The following SMKR1 variants were observed in gnomAD, a reference collection of about 807,000 sequenced individuals.
SMKR1 encodes the protein small lysine-rich protein 1.
A neutral mutation model predicts 4.0 loss-of-function variants in SMKR1; 4 were observed. That is an observed-to-expected ratio of 1.00 (90% CI 0.49 to 2.30). The LOEUF is 2.30. Ranked by LOEUF, SMKR1 falls within the 30% of genes most tolerant of loss-of-function variation. SMKR1 has a pLI of 0.02. For synonymous variants in SMKR1, 38 were observed against 32.5 expected, an observed-to-expected ratio of 1.17 and a Z score of -0.58; for missense variants, 56 against 81.8, an observed-to-expected ratio of 0.68 and a Z score of 1.22.
chr7:129,512,159 G>A (rs1230963027), intron 1 of SMKR1, 88 bp from the exon 2 acceptor site: 4 of 1,267,878 alleles, frequency 3.2e-6, no homozygotes, highest in Non-Finnish European at 4.2e-6. Flanking sequence ...ACTCCAGCCT[G>A]GGTGTTGGGA....
chr7:129,512,216 C>T, intron 1 of SMKR1, 31 bp from the exon 2 acceptor site: 2 of 1,486,522 alleles, frequency 1.3e-6, no homozygotes, highest in Non-Finnish European at 1.8e-6. Context: ...ACTAACTTCC[C>T]TCCTCCCATA....
At position 129,502,695 on chromosome 7, in the gene SMKR1, C is replaced by T; in HGVS notation, c.-130C>T. The T allele has an allele frequency of 1.4e-6, 2 of 1,397,556 alleles. No homozygotes were observed. The highest frequency in any genetic ancestry group is 1.2e-5 in the South Asian group (1 of 80,268). The allele number at this position is 1,397,556 out of a possible 1,614,324, so 86.6% of individuals were successfully genotyped here. ...TAGTGAGGCTGGGCCCGTGGCGGTT[C>T]CCTGAGGAGGGCCGAGAAGGGGCCG... On this transcript the variant is annotated 5_prime_UTR_variant, in exon 1 of 2. Transcript: ENST00000462322.
At chr7:129,508,843 T>G (rs1478349043) in intron 1 of SMKR1, among the ~76,000 whole-genome samples, 1 of 152,232 alleles carries the variant, frequency 6.6e-6, no homozygotes, top group Non-Finnish European at 1.5e-5. Context: ...TCTCCCATCC[T>G]TTGTGTTTCC....
chr7:129,512,403 C>A lies in SMKR1; in HGVS notation c.160C>A (p.Pro54Thr). ...CCTGCATCTGCGAGGCTTCCATTGGCCGGGTGCTCCCAAAGGAAAGAAAGG... is the reference window on the plus strand; with the variant it reads ...CCTGCATCTGCGAGGCTTCCATTGGACGGGTGCTCCCAAAGGAAAGAAAGG... The part of the protein sequence containing the change: ...DCLHLRGFHW[P>T]GAPKGKKGRS... The change falls in exon 2 of 2, where the codon CCG becomes ACG. Residue 54 changes from proline to threonine, a missense_variant. Coordinates refer to ENST00000462322, the MANE Select transcript of SMKR1 (RefSeq NM_001195243.2). 1 of 1,535,386 alleles carries A rather than the reference C, an allele frequency of 6.5e-7. No individual in the cohort carries two copies. The highest frequency in any genetic ancestry group is 8.7e-7 in the Non-Finnish European group (1 of 1,146,724).
At position 129,502,547 on chromosome 7, in the gene SMKR1, C is replaced by A; in HGVS notation, c.-278C>A. 1 of 336,862 alleles carries A rather than the reference C, an allele frequency of 3.0e-6. No homozygotes were observed. The allele number at this position is 336,862 out of a possible 1,614,324, so 20.9% of individuals were successfully genotyped here. A position where few individuals can be genotyped will look rare whatever the true frequency, so the allele number is the denominator to read the frequency against. ...CCCCGAGGCGCACGCCGGCCCAGCG[C>A]CCACAGCTGCGGCGGCCTAGGTGCC... On this transcript the variant is annotated 5_prime_UTR_variant, in exon 1 of 2. Coordinates refer to ENST00000462322, the MANE Select transcript of SMKR1 (RefSeq NM_001195243.2).
In SMKR1 at chr7:129,502,685, C is replaced by T. The variant is rs1799422739; in HGVS notation, c.-140C>T. The T allele has an allele frequency of 7.7e-7, 1 of 1,303,744 alleles. No homozygotes were observed. Among genetic ancestry groups the T allele is most frequent in the East Asian group, 2.6e-5 (1 of 38,438 alleles). 80.8% of individuals were successfully genotyped at this position (1,303,744 alleles called of 1,614,324 possible). ...CGGGGAGGCGTAGTGAGGCTGGGCC[C>T]GTGGCGGTTCCCTGAGGAGGGCCGA... On this transcript the variant is annotated 5_prime_UTR_variant, in exon 1 of 2. Transcript: ENST00000462322.
chr7:129,504,452 C>T (rs1459239357), intron 1 of SMKR1, among the ~76,000 whole-genome samples: 1 of 152,230 alleles, frequency 6.6e-6, no homozygotes, highest in African/African-American at 2.4e-5. Flanking sequence ...GGGAGCCCTT[C>T]CTTTGATGGC....
rs1472754754 is a variant in SMKR1 at position 129,512,454 on chromosome 7, A to G, written c.*13A>G. 1 of 1,531,280 alleles carries G rather than the reference A, an allele frequency of 6.5e-7. No individual in the cohort carries two copies. Among genetic ancestry groups the G allele is most frequent in the African/African-American group, 1.4e-5 (1 of 72,860 alleles). 94.9% of individuals were successfully genotyped at this position (1,531,280 alleles called of 1,614,324 possible). ...GAGAAGCAAGTGACAGCATTTCACA[A>G]CACATCTCTGTTACAGACAACAGGA... On this transcript the variant is annotated 3_prime_UTR_variant, in exon 2 of 2. Coordinates refer to ENST00000462322, the MANE Select transcript of SMKR1 (RefSeq NM_001195243.2).
intron 1 of SMKR1, among the ~76,000 whole-genome samples, chr7:129,504,562 T>G (rs916647408): frequency 6.6e-6 from 1 of 152,044 alleles, no homozygotes; most frequent in Non-Finnish European, 1.5e-5. Flanking sequence ...TTTTGTTTTT[T>G]TTTTTTTAGA....
chr7:129,504,607 C>T (rs983371416), intron 1 of SMKR1, among the ~76,000 whole-genome samples: 7 of 151,606 alleles, frequency 4.6e-5, no homozygotes, highest in East Asian at 1.9e-4. Flanking sequence ...GGCTGGAGTG[C>T]GATGGCATCA....
In SMKR1 at chr7:129,502,794, AC is replaced by A. The variant is rs2151026463; in HGVS notation, c.-29del. The A allele has an allele frequency of 6.5e-7, 1 of 1,535,016 alleles. No individual in the cohort carries two copies. Among genetic ancestry groups the A allele is most frequent in the East Asian group, 2.4e-5 (1 of 40,868 alleles). ...AAGGGCTTCGGGATCGGGAGAGTCCACCACGCCTGCCTGCTCGGCTGAGAAT... is the reference window on the plus strand; with the variant it reads ...AAGGGCTTCGGGATCGGGAGAGTCCACACGCCTGCCTGCTCGGCTGAGAAT... On this transcript the variant is annotated 5_prime_UTR_variant, in exon 1 of 2. Coordinates refer to ENST00000462322, the MANE Select transcript of SMKR1 (RefSeq NM_001195243.2).
In SMKR1 at chr7:129,508,546, A is replaced by T. The variant is rs911007701; in HGVS notation, c.4-3701A>T. 3.0e-4 allele frequency among the ~76,000 whole-genome samples: 46 copies of T among 151,974 alleles called. 1 individual carries two copies. The highest frequency in any genetic ancestry group is 2.9e-3 in the Admixed American group (45 of 15,258). On this transcript the variant is annotated intron_variant, in intron 1 of 1. Transcript: ENST00000462322. ...AACCTCTGCCTTCCGGGTTCAAGCG[A>T]TTCTCCTGCCTCAGCCTCCCGAGTA...
intron 1 of SMKR1, 62 bp downstream of exon 1, chr7:129,502,889 C>T (rs1255402039): frequency 6.5e-7 from 1 of 1,531,424 alleles, no homozygotes; most frequent in African/African-American, 1.4e-5. Context: ...CCCAGGCTGT[C>T]CCGGAGAGGC....
chr7:129,505,030 G>A (rs1322454234), intron 1 of SMKR1, among the ~76,000 whole-genome samples: 1 of 151,888 alleles, frequency 6.6e-6, no homozygotes, highest in East Asian at 1.9e-4. Flanking sequence ...AATGAAGGAG[G>A]CATCTTAAAA....
chr7:129,508,513 C>A (rs1286324522), intron 1 of SMKR1, among the ~76,000 whole-genome samples: 1 of 152,174 alleles, frequency 6.6e-6, no homozygotes, highest in Non-Finnish European at 1.5e-5. Context: ...GCAATCTCAG[C>A]TCACTGCAAC....
chr7:129,511,464 T>G (rs1001637353), intron 1 of SMKR1, among the ~76,000 whole-genome samples: 1 of 152,110 alleles, frequency 6.6e-6, no homozygotes, highest in Non-Finnish European at 1.5e-5. Flanking sequence ...CGTGTGGACT[T>G]CTTCTTCTGT....
intron 1 of SMKR1, among the ~76,000 whole-genome samples, chr7:129,507,471 A>G (rs1799482044): frequency 6.6e-6 from 1 of 152,212 alleles, no homozygotes; most frequent in Non-Finnish European, 1.5e-5. Context: ...TTTAGCTATT[A>G]CAAATAAAGC....
intron 1 of SMKR1, among the ~76,000 whole-genome samples, chr7:129,510,526 G>T (rs939633148): frequency 2.6e-5 from 4 of 152,188 alleles, no homozygotes; most frequent in Non-Finnish European, 5.9e-5. Context: ...TTGAGACCAG[G>T]AGTTTAAGAC....
chr7:129,512,484 G>T lies in SMKR1; in HGVS notation c.*43G>T. On this transcript the variant is annotated 3_prime_UTR_variant, in exon 2 of 2. Transcript: ENST00000462322. Reference sequence around the variant, plus strand: ...TCTCTGTTACAGACAACAGGACCTGGGGAAGAGAAGTCAGGATAACACAAC... The same window carrying T: ...TCTCTGTTACAGACAACAGGACCTGTGGAAGAGAAGTCAGGATAACACAAC... 6.7e-7 allele frequency: 1 copy of T among 1,492,610 alleles called. No homozygotes were observed. Among genetic ancestry groups the T allele is most frequent in the South Asian group, 1.3e-5 (1 of 77,010 alleles). 92.5% of individuals were successfully genotyped at this position (1,492,610 alleles called of 1,614,324 possible). A position where few individuals can be genotyped will look rare whatever the true frequency, so the allele number is the denominator to read the frequency against.
Sources: gnomAD v4.1 joint callset for allele counts (sites outside exome capture counted in the v4.1 genomes callset) on GRCh38, gnomAD v4.1.1 for gene constraint, MANE v1.5 for transcripts, NCBI Gene and HGNC (gene_info 2026-07-23, HGNC 2026-07-21) for gene names.